The following LRRTM4 variants were observed in gnomAD, a reference collection of about 807,000 sequenced individuals.
LRRTM4 encodes leucine rich repeat transmembrane neuronal 4, also known as leucine-rich repeat transmembrane neuronal protein 4.
Under a neutral mutation model 47.6 loss-of-function variants are expected in LRRTM4, and 25 were observed. The observed-to-expected ratio is 0.53, with a 90% CI of 0.38 to 0.73. The LOEUF (loss-of-function observed/expected upper bound fraction) is 0.73, where lower values mean the gene tolerates loss of function less well. LRRTM4 is among the 30% of genes least tolerant of loss of function. LRRTM4 has a pLI of 0.00. For missense variants in LRRTM4, 638 were observed against 713.4 expected (o/e 0.89, Z 1.20); for synonymous variants, 311 against 269.5 (o/e 1.15, Z -1.51).
rs79955002 is a variant in LRRTM4 at position 77,019,931 on chromosome 2, G to C, written c.1552-271015C>G. Among the ~76,000 whole-genome samples, 46 of 152,060 alleles carry C rather than the reference G, an allele frequency of 3.0e-4. 1 individual carries two copies. The East Asian group carries it at 8.3e-3, about 28-fold the overall frequency. Reference sequence around the variant, plus strand: ...TCAAACAAAATGTTAGTGGAGGCTCGAAAGGAAGCAAATAAATTATTATTG... The same window carrying C: ...TCAAACAAAATGTTAGTGGAGGCTCCAAAGGAAGCAAATAAATTATTATTG... On this transcript the variant is annotated intron_variant, in intron 3 of 3. Coordinates refer to ENST00000409884, the MANE Select transcript of LRRTM4 (RefSeq NM_001134745.3).
At chr2:77,262,688 C>T (rs757580371) in intron 3 of LRRTM4, among the ~76,000 whole-genome samples, 3 of 151,804 alleles carry the variant, frequency 2.0e-5, no homozygotes, top group Non-Finnish European at 4.4e-5. Flanking sequence ...ATATTTGTCT[C>T]ATGGTTAACT....
intron 3 of LRRTM4, among the ~76,000 whole-genome samples, chr2:77,023,511 A>C (rs1678346260): frequency 6.6e-6 from 1 of 152,136 alleles, no homozygotes; most frequent in African/African-American, 2.4e-5. Context: ...CCCTTTTAAT[A>C]CTGAATGTTT....
intron 3 of LRRTM4, among the ~76,000 whole-genome samples, chr2:77,088,960 GGA>G (rs1680826540): frequency 6.6e-6 from 1 of 152,022 alleles, no homozygotes; most frequent in East Asian, 1.9e-4. Flanking sequence ...TAGAGACAAA[GGA>G]GACACGTTTT....
chr2:77,359,640 C>T (rs893084566), intron 3 of LRRTM4, among the ~76,000 whole-genome samples: 2 of 152,152 alleles, frequency 1.3e-5, no homozygotes, highest in Non-Finnish European at 2.9e-5. Flanking sequence ...CAATGTTGCA[C>T]AGTAGGAAAA....
intron 3 of LRRTM4, among the ~76,000 whole-genome samples, chr2:76,812,221 T>A (rs1184519625): frequency 3.3e-5 from 5 of 152,112 alleles, no homozygotes; most frequent in Non-Finnish European, 7.4e-5. Flanking sequence ...ATATATCTAA[T>A]CCAATTTTCA....
intron 3 of LRRTM4, among the ~76,000 whole-genome samples, chr2:76,961,819 T>C (rs1675870732): frequency 6.6e-6 from 1 of 151,310 alleles, no homozygotes; most frequent in Non-Finnish European, 1.5e-5. Context: ...AAATTTTAAT[T>C]CAATAATATA....
At chr2:76,806,415 C>T (rs1675970585) in intron 3 of LRRTM4, among the ~76,000 whole-genome samples, 1 of 152,066 alleles carries the variant, frequency 6.6e-6, no homozygotes, top group African/African-American at 2.4e-5. Flanking sequence ...AACCCCGTCT[C>T]TACTAAAAAT....
intron 3 of LRRTM4, among the ~76,000 whole-genome samples, chr2:76,955,303 T>A (rs913738059): frequency 6.6e-6 from 1 of 151,758 alleles, no homozygotes; most frequent in Non-Finnish European, 1.5e-5. Context: ...TATAAAAAAA[T>A]GTGACTTGTG....
At chr2:76,977,434 T>C (rs1676458640) in intron 3 of LRRTM4, among the ~76,000 whole-genome samples, 1 of 151,924 alleles carries the variant, frequency 6.6e-6, no homozygotes, top group Non-Finnish European at 1.5e-5. Context: ...CATTTTATTG[T>C]AAGCTAACTC....
chr2:76,867,617 C>T (rs1240814647), intron 3 of LRRTM4, among the ~76,000 whole-genome samples: 1 of 152,132 alleles, frequency 6.6e-6, no homozygotes. Flanking sequence ...TAATGTGGAA[C>T]TGATGCTACA....
At chr2:76,906,178 T>A (rs1673831212) in intron 3 of LRRTM4, among the ~76,000 whole-genome samples, 1 of 152,138 alleles carries the variant, frequency 6.6e-6, no homozygotes, top group Admixed American at 6.5e-5. Flanking sequence ...CAGAAGAGAC[T>A]GGGGGCCAAT....
At chr2:77,240,889 T>C (rs192728855) in intron 3 of LRRTM4, among the ~76,000 whole-genome samples, 3 of 151,882 alleles carry the variant, frequency 2.0e-5, no homozygotes, top group Admixed American at 6.6e-5. Context: ...TAAAAAACAA[T>C]AATGAAAAGT....
intron 3 of LRRTM4, among the ~76,000 whole-genome samples, chr2:77,329,933 G>T (rs934402005): frequency 2.0e-5 from 3 of 152,164 alleles, no homozygotes; most frequent in Non-Finnish European, 4.4e-5. Flanking sequence ...GCTGAATTCA[G>T]CCAGAAGTTG....
chr2:76,830,907 T>G (rs1573180754), intron 3 of LRRTM4, among the ~76,000 whole-genome samples: 1 of 152,012 alleles, frequency 6.6e-6, no homozygotes, highest in East Asian at 1.9e-4. Context: ...AAAGAAAATA[T>G]GAAAATATAA....
Position 77,518,410 on chromosome 2 carries a change from C to G in LRRTM4, c.1459G>C (p.Asp487His). ...GTCTCAGAGTTTGTAGGCTTGTAGT[C>G]CACATAATACTCCTGTAAAGGGGAA... The part of the protein sequence containing the change: ...MNSPLQEYYV[D>H]YKPTNSETMD... The change falls in exon 3 of 4, where the codon GAC becomes CAC. Residue 487 changes from aspartate to histidine, a missense_variant. By Grantham distance (81) the Asp-to-His change is moderately conservative. Coordinates refer to ENST00000409884, the MANE Select transcript of LRRTM4 (RefSeq NM_001134745.3). 1 of 1,613,106 alleles carries G rather than the reference C, an allele frequency of 6.2e-7. No homozygotes were observed. The highest frequency in any genetic ancestry group is 8.5e-7 in the Non-Finnish European group (1 of 1,179,508).
intron 3 of LRRTM4, among the ~76,000 whole-genome samples, chr2:77,020,511 C>A (rs773465013): frequency 6.6e-6 from 1 of 152,104 alleles, no homozygotes; most frequent in Non-Finnish European, 1.5e-5. Context: ...CCCTCTAACC[C>A]TCTACCAAAT....
chr2:77,253,556 A>T (rs1345849723), intron 3 of LRRTM4, among the ~76,000 whole-genome samples: 2 of 152,126 alleles, frequency 1.3e-5, no homozygotes, highest in African/African-American at 4.8e-5. Context: ...ACCTTGACAT[A>T]TTGAGAACCA....
chr2:77,080,763 C>T (rs1680503400), intron 3 of LRRTM4, among the ~76,000 whole-genome samples: 2 of 152,144 alleles, frequency 1.3e-5, no homozygotes. Flanking sequence ...AGTTAATGCC[C>T]TAGTCTGGGC....
At chr2:76,943,600 C>A (rs1031654892) in intron 3 of LRRTM4, among the ~76,000 whole-genome samples, 2 of 152,154 alleles carry the variant, frequency 1.3e-5, no homozygotes, top group African/African-American at 2.4e-5. Flanking sequence ...CTCTCCATGA[C>A]AATTTGACCC....
Sources: allele counts gnomAD v4.1 joint callset (sites outside exome capture counted in the v4.1 genomes callset), GRCh38; gene constraint gnomAD v4.1.1; transcripts MANE v1.5; gene names NCBI Gene and HGNC (gene_info 2026-07-23, HGNC 2026-07-21).